The following AFG2A variants were observed in gnomAD, a reference collection of about 807,000 sequenced individuals.
The protein encoded by AFG2A is ATPase family gene 2 protein homolog A.
chr4:123,136,969 T>C, the AFG2A span, among the ~76,000 whole-genome samples: 3,267 of 152,286 alleles, frequency 0.021, 112 homozygotes, highest in African/African-American at 0.074. Flanking sequence ...AGACAATTTT[T>C]CCACAGGTGT....
the AFG2A span, among the ~76,000 whole-genome samples, chr4:123,124,281 A>G: frequency 6.6e-6 from 1 of 152,202 alleles, no homozygotes; most frequent in East Asian, 1.9e-4. Context: ...AATGTGGCAC[A>G]TATACACCAT....
chr4:123,240,209 A>G, the AFG2A span, among the ~76,000 whole-genome samples: 1 of 152,196 alleles, frequency 6.6e-6, no homozygotes, highest in African/African-American at 2.4e-5. Context: ...ACCACTGTCA[A>G]TATTAGATCA....
At chr4:123,200,224 A>C in the AFG2A span, among the ~76,000 whole-genome samples, 1 of 152,218 alleles carries the variant, frequency 6.6e-6, no homozygotes, top group Non-Finnish European at 1.5e-5. Context: ...CCCTGAATAA[A>C]CTGAATATGT....
chr4:123,007,568 A>ATGTG, the AFG2A span, among the ~76,000 whole-genome samples: 751 of 91,518 alleles, frequency 8.2e-3, 4 homozygotes, highest in Admixed American at 0.032. Flanking sequence ...GTGTGTGTAT[A>ATGTG]TGTGTGTGTG....
At chr4:123,250,757 G>A in the AFG2A span, among the ~76,000 whole-genome samples, 2 of 152,216 alleles carry the variant, frequency 1.3e-5, no homozygotes, top group African/African-American at 4.8e-5. Context: ...ATCCAACATG[G>A]CCTTGGAGCC....
the AFG2A span, among the ~76,000 whole-genome samples, chr4:123,125,706 A>G: frequency 6.6e-6 from 1 of 152,162 alleles, no homozygotes; most frequent in Non-Finnish European, 1.5e-5. Context: ...CTCTGAGTCT[A>G]GTACTCTTTT....
At chr4:122,959,160 C>T in the AFG2A span, among the ~76,000 whole-genome samples, 1 of 152,148 alleles carries the variant, frequency 6.6e-6, no homozygotes, top group Non-Finnish European at 1.5e-5. Flanking sequence ...CAACCAACTA[C>T]CCAGTTTTTG....
the AFG2A span, among the ~76,000 whole-genome samples, chr4:122,942,228 C>A: frequency 0.021 from 3,056 of 147,514 alleles, 57 homozygotes; most frequent in Non-Finnish European, 0.034. Flanking sequence ...CTCCTTGTAC[C>A]TCTGGTAGAA....
At chr4:123,238,058 G>A in the AFG2A span, among the ~76,000 whole-genome samples, 2 of 152,214 alleles carry the variant, frequency 1.3e-5, no homozygotes, top group African/African-American at 2.4e-5. Flanking sequence ...CAACACCCAC[G>A]GAGCCTTGCT....
chr4:122,995,868 T>C, the AFG2A span, among the ~76,000 whole-genome samples: 3 of 152,220 alleles, frequency 2.0e-5, no homozygotes, highest in Non-Finnish European at 4.4e-5. Flanking sequence ...GTAAAGGAGA[T>C]AATAATTCGC....
chr4:123,119,134 T>C, the AFG2A span, among the ~76,000 whole-genome samples: 63 of 152,244 alleles, frequency 4.1e-4, no homozygotes, highest in East Asian at 6.6e-3. Flanking sequence ...GGTTTTTTTT[T>C]CTAAAAAATA....
the AFG2A span, among the ~76,000 whole-genome samples, chr4:123,230,525 A>G: frequency 2.0e-5 from 3 of 151,772 alleles, no homozygotes; most frequent in Non-Finnish European, 2.9e-5. Flanking sequence ...AAACCCCTCA[A>G]AGTTATTCCT....
At chr4:123,152,453 A>G in the AFG2A span, among the ~76,000 whole-genome samples, 1 of 152,234 alleles carries the variant, frequency 6.6e-6, no homozygotes, top group Admixed American at 6.5e-5. Flanking sequence ...AATGGGTGAA[A>G]GACCTTAACA....
the AFG2A span, among the ~76,000 whole-genome samples, chr4:123,289,048 A>G: frequency 6.6e-6 from 1 of 152,148 alleles, no homozygotes; most frequent in Non-Finnish European, 1.5e-5. Context: ...TAGGGGTACA[A>G]GTGGTTTTTG....
the AFG2A span, among the ~76,000 whole-genome samples, chr4:122,978,716 T>C: frequency 8.5e-5 from 13 of 152,186 alleles, no homozygotes; most frequent in Non-Finnish European, 1.6e-4. Context: ...ACCCTCAGCC[T>C]CCCTCACATA....
At chr4:123,011,363 G>C in the AFG2A span, among the ~76,000 whole-genome samples, 1 of 152,210 alleles carries the variant, frequency 6.6e-6, no homozygotes, top group Admixed American at 6.5e-5. Flanking sequence ...AAGGAAATCA[G>C]AGAAAATGGT....
chr4:123,196,138 C>G, the AFG2A span, among the ~76,000 whole-genome samples: 1 of 147,528 alleles, frequency 6.8e-6, no homozygotes, highest in South Asian at 2.1e-4. Context: ...GTAGCTGGGA[C>G]TACAGGCGCC....
the AFG2A span, among the ~76,000 whole-genome samples, chr4:123,074,087 CAGAT>C: frequency 1.2e-5 from 1 of 86,844 alleles, no homozygotes; most frequent in Non-Finnish European, 2.5e-5. Context: ...GGGACATTCT[CAGAT>C]AGTATTTTTT....
At chr4:123,011,187 G>T in the AFG2A span, among the ~76,000 whole-genome samples, 2 of 152,178 alleles carry the variant, frequency 1.3e-5, no homozygotes, top group Non-Finnish European at 2.9e-5. Context: ...AATCTGAACT[G>T]CTTTTAAAGT....
Sources: allele counts gnomAD v4.1 joint callset (sites outside exome capture counted in the v4.1 genomes callset), GRCh38; gene constraint gnomAD v4.1.1; transcripts MANE v1.5; gene names NCBI Gene and HGNC (gene_info 2026-07-23, HGNC 2026-07-21).